Variants in RPL23A observed in about 807,000 individuals in gnomAD.
RPL23A encodes large ribosomal subunit protein uL23.
In RPL23A, 2 loss-of-function variants were observed where a neutral mutation model predicts 17.6. That is an observed-to-expected ratio of 0.11 (90% CI 0.05 to 0.36). The LOEUF (loss-of-function observed/expected upper bound fraction) is 0.36, where lower values mean the gene tolerates loss of function less well. Among genes scored for constraint, RPL23A ranks in the 10% least tolerant of loss-of-function variants. The pLI, the probability that RPL23A is intolerant of heterozygous loss-of-function variation, is 1.00. For synonymous variants in RPL23A, 65 were observed against 74.3 expected, an observed-to-expected ratio of 0.87 and a Z score of 0.65; for missense variants, 132 against 194.4, an observed-to-expected ratio of 0.68 and a Z score of 1.91.
intron 3 of RPL23A, among the ~76,000 whole-genome samples, chr17:28,723,112 T>A (rs2034145017): frequency 1.4e-5 from 2 of 145,532 alleles, no homozygotes; most frequent in Admixed American, 6.7e-5. Context: ...AAGGCCCTTT[T>A]TAAAAAAAAA....
intron 3 of RPL23A, 52 bp from the exon 4 acceptor site, chr17:28,723,519 G>A: frequency 7.9e-7 from 1 of 1,271,860 alleles, no homozygotes; most frequent in East Asian, 2.3e-5. Flanking sequence ...GAAGGGGGAG[G>A]GTGTGGGGGC....
chr17:28,724,296 T>G lies in RPL23A; in HGVS notation c.*415T>G. 1.5e-6 allele frequency: 1 copy of G among 668,542 alleles called. No homozygotes were observed. The highest frequency in any genetic ancestry group is 2.6e-6 in the Non-Finnish European group (1 of 389,088). The allele number at this position is 668,542 out of a possible 1,614,324, so 41.4% of individuals were successfully genotyped here. A position where few individuals can be genotyped will look rare whatever the true frequency, so the allele number is the denominator to read the frequency against. ...TGTCCTCACACACCCATCTACTATG[T>G]CCAACCGGTCTGTCTGCTTCCCTCA... On this transcript the variant is annotated 3_prime_UTR_variant, in exon 5 of 5. Transcript: ENST00000422514.
chr17:28,722,905 T>C lies in RPL23A; in HGVS notation c.386+6T>C, dbSNP rs374935520. On this transcript the variant is annotated splice_donor_region_variant and intron_variant, in intron 3 of 4. Transcript: ENST00000422514. ...AAGGTCAACACCCTGATTCGGTGAG[T>C]TGGGCCTCAAGGGATGGGGAGCAGG... 21 of 1,613,000 alleles carry C rather than the reference T, an allele frequency of 1.3e-5. No homozygotes were observed. Among genetic ancestry groups the C allele is most frequent in the Non-Finnish European group, 1.7e-5 (20 of 1,179,278 alleles).
intron 2 of RPL23A, among the ~76,000 whole-genome samples, chr17:28,722,089 C>CA (rs1007548977): frequency 1.3e-5 from 2 of 151,026 alleles, no homozygotes; most frequent in Non-Finnish European, 3.0e-5. Flanking sequence ...ACTAAAAATA[C>CA]AAAAAAAATT....
intron 1 of RPL23A, chr17:28,720,486 C>A: frequency 6.3e-7 from 1 of 1,584,850 alleles, no homozygotes; most frequent in Non-Finnish European, 8.7e-7. Context: ...TCATTCAGTG[C>A]TACTTTGTTT....
At chr17:28,721,540 A>G (rs1457013857) in intron 2 of RPL23A, 1 of 152,544 alleles carries the variant, frequency 6.6e-6, no homozygotes, top group East Asian at 1.9e-4. Context: ...CTTGATTGAT[A>G]GTGGGGATTC....
chr17:28,724,007 G>A lies in RPL23A; in HGVS notation c.*126G>A, dbSNP rs964271446. The A allele has an allele frequency of 1.2e-5, 8 of 640,148 alleles. No individual in the cohort carries two copies. Among genetic ancestry groups the A allele is most frequent in the Non-Finnish European group, 2.1e-5 (8 of 377,748 alleles). 39.7% of individuals were successfully genotyped at this position (640,148 alleles called of 1,614,324 possible). Reference sequence around the variant, plus strand: ...CACACACTGACATGACAGGGCTTGGGCAAGACTCCTGTTCTACTTATCCTT... The same window carrying A: ...CACACACTGACATGACAGGGCTTGGACAAGACTCCTGTTCTACTTATCCTT... On this transcript the variant is annotated 3_prime_UTR_variant, in exon 5 of 5. Transcript: ENST00000422514.
chr17:28,721,122 G>C (rs894356833), intron 2 of RPL23A: 2 of 418,248 alleles, frequency 4.8e-6, no homozygotes, highest in South Asian at 2.2e-5. Context: ...GAGGCCGAGG[G>C]GGGGCGGATC....
chr17:28,721,380 CAA>C (rs1405352665), intron 2 of RPL23A: 4 of 156,712 alleles, frequency 2.6e-5, no homozygotes, highest in African/African-American at 9.7e-5. Context: ...CTGAGTCTCT[CAA>C]AATTTGTTAG....
Position 28,720,225 on chromosome 17 carries a change from TGG to T in RPL23A, c.25+203_25+204del, listed in dbSNP as rs35537717. 8 of 1,506,298 alleles carry T rather than the reference TGG, an allele frequency of 5.3e-6. No individual in the cohort carries two copies. In the Admixed American group the frequency reaches 1.4e-4, roughly 27 times the overall value. 93.3% of individuals were successfully genotyped at this position (1,506,298 alleles called of 1,614,324 possible). On this transcript the variant is annotated intron_variant, in intron 1 of 4. Coordinates refer to ENST00000422514, the MANE Select transcript of RPL23A (RefSeq NM_000984.6). ...TGGGCTGAGTTCCGGTAGAGGGAGT[TGG>T]GGGGGGGCAACGCGGCAGGCATCAT...
At position 28,722,909 on chromosome 17, in the gene RPL23A, G is replaced by C; in HGVS notation, c.386+10G>C. 6.2e-7 allele frequency: 1 copy of C among 1,612,496 alleles called. No individual in the cohort carries two copies. Among genetic ancestry groups the C allele is most frequent in the Non-Finnish European group, 8.5e-7 (1 of 1,178,786 alleles). On this transcript the variant is annotated intron_variant, in intron 3 of 4. Transcript: ENST00000422514. ...TCAACACCCTGATTCGGTGAGTTGGGCCTCAAGGGATGGGGAGCAGGCTGG... is the reference window on the plus strand; with the variant it reads ...TCAACACCCTGATTCGGTGAGTTGGCCCTCAAGGGATGGGGAGCAGGCTGG...
At position 28,722,245 on chromosome 17, in the gene RPL23A, CAAAAAA is replaced by C. The variant is rs57128027; in HGVS notation, c.210-465_210-460del. 8.6e-5 allele frequency among the ~76,000 whole-genome samples: 11 copies of C among 127,206 alleles called. No individual in the cohort carries two copies. The East Asian group carries it at 1.8e-3, about 20-fold the overall frequency. 83.5% of individuals were successfully genotyped at this position (127,206 alleles called of 152,430 possible). On this transcript the variant is annotated intron_variant, in intron 2 of 4. Transcript: ENST00000422514. ...GCCTGGGCGAAGCGAGACTCTGTCTCAAAAAAAAAAAAAAAAAAGGAATTTGCCCCT... is the reference window on the plus strand; with the variant it reads ...GCCTGGGCGAAGCGAGACTCTGTCTCAAAAAAAAAAAAGGAATTTGCCCCT...
chr17:28,721,697 A>G (rs2034117431), intron 2 of RPL23A: 1 of 152,208 alleles, frequency 6.6e-6, no homozygotes, highest in South Asian at 2.1e-4. Context: ...TATCGGTAAT[A>G]ACTGACTTTT....
rs761955713 is a variant in RPL23A, at chr17:28,723,933, C to G, written c.*52C>G. The G allele has an allele frequency of 3.4e-5, 43 of 1,275,454 alleles. No homozygotes were observed. Among genetic ancestry groups the G allele is most frequent in the African/African-American group, 7.7e-5 (5 of 65,292 alleles). 79.0% of individuals were successfully genotyped at this position (1,275,454 alleles called of 1,614,324 possible). ...TATATATATATATATATCTTTTCAC[C>G]ATATACATGCCTGTCTGTCAATTTC... is the stretch of plus-strand genomic sequence containing the variant. On this transcript the variant is annotated 3_prime_UTR_variant, in exon 5 of 5. Transcript: ENST00000422514.
In RPL23A at chr17:28,719,991, G is replaced by A. The variant is rs1009867709; in HGVS notation, c.-15G>A. 102 of 1,551,896 alleles carry A rather than the reference G, an allele frequency of 6.6e-5. No individual in the cohort carries two copies. The East Asian group carries it at 2.3e-3, about 36-fold the overall frequency. ...TAAGCCCGTGGGAACGAGCATTGGAGACCCTTTTCACAAGATGGCGCCGAA... is the reference window on the plus strand; with the variant it reads ...TAAGCCCGTGGGAACGAGCATTGGAAACCCTTTTCACAAGATGGCGCCGAA... On this transcript the variant is annotated 5_prime_UTR_variant, in exon 1 of 5. Transcript: ENST00000422514.
intron 1 of RPL23A, 90 bp from the exon 2 acceptor site, chr17:28,720,617 C>T (rs1002678307): frequency 1.4e-6 from 2 of 1,440,696 alleles, no homozygotes; most frequent in Non-Finnish European, 2.0e-6. Context: ...ACTGATGCAC[C>T]TGTGGCCAGG....
At chr17:28,720,513 G>C (rs556594318) in intron 1 of RPL23A, 194 bp from the exon 2 acceptor site, 150 of 1,516,454 alleles carry the variant, frequency 9.9e-5, no homozygotes, top group Admixed American at 1.8e-4. Flanking sequence ...CGTATCCCTG[G>C]AGTTACTTAG....
At position 28,723,921 on chromosome 17, in the gene RPL23A, A is replaced by G. The variant is rs745389296; in HGVS notation, c.*40A>G. ...CCTAATTCTGAATATATATATATAT[A>G]TATCTTTTCACCATATACATGCCTG... On this transcript the variant is annotated 3_prime_UTR_variant, in exon 5 of 5. Transcript: ENST00000422514. The G allele has an allele frequency of 4.9e-5, 69 of 1,403,710 alleles. No individual in the cohort carries two copies. The African/African-American group carries it at 6.2e-4, about 13-fold the overall frequency. 87.0% of individuals were successfully genotyped at this position (1,403,710 alleles called of 1,614,324 possible).
At chr17:28,723,297 T>A in intron 3 of RPL23A, 1 of 608,148 alleles carries the variant, frequency 1.6e-6, no homozygotes, top group Non-Finnish European at 3.0e-6. Context: ...GGTCCTCATT[T>A]TCTGGGTCCC....
Sources: allele counts gnomAD v4.1 joint callset (sites outside exome capture counted in the v4.1 genomes callset), GRCh38; gene constraint gnomAD v4.1.1; transcripts MANE v1.5; gene names NCBI Gene and HGNC (gene_info 2026-07-23, HGNC 2026-07-21).